The following SART3 variants were observed in gnomAD, a reference collection of about 807,000 sequenced individuals.
SART3 encodes the protein spliceosome associated factor 3, U4/U6 recycling protein.
A neutral mutation model predicts 122.3 loss-of-function variants in SART3; 44 were observed. The observed-to-expected ratio is 0.36, with a 90% CI of 0.28 to 0.46. The LOEUF is 0.46. Among genes scored for constraint, SART3 ranks in the 20% least tolerant of loss-of-function variants. The probability of loss-of-function intolerance (pLI) is 1.00; values close to 1 mark genes in which losing one functional copy is unlikely to be tolerated. For synonymous variants in SART3, 442 were observed against 454.0 expected, an observed-to-expected ratio of 0.97 and a Z score of 0.34; for missense variants, 1,101 against 1,229.0, an observed-to-expected ratio of 0.90 and a Z score of 1.56.
At position 108,524,489 on chromosome 12, in the gene SART3, CT is replaced by C; in HGVS notation, c.2540del (p.Glu847GlyfsTer12). 6.2e-7 allele frequency: 1 copy of C among 1,614,204 alleles called. No homozygotes were observed. The highest frequency in any genetic ancestry group is 8.5e-7 in the Non-Finnish European group (1 of 1,180,032). On this transcript the variant is annotated frameshift_variant, in exon 18 of 19. Coordinates refer to ENST00000546815, the MANE Select transcript of SART3 (RefSeq NM_014706.4). LOFTEE classifies it high-confidence loss of function. Reference protein sequence around the residue: ...AGKPKGLAYVEYENESQASQA... With the variant: ...AGKPKGLAYVXYENESQASQA... Reference sequence around the variant, plus strand: ...GCGACGCCTGGGATTCATTTTCATACTCCACGTAGGCCAGGCCCTGGAAGAG... The same window carrying C: ...GCGACGCCTGGGATTCATTTTCATACCCACGTAGGCCAGGCCCTGGAAGAG...
chr12:108,547,379 T>C (rs1191226910), intron 3 of SART3, among the ~76,000 whole-genome samples: 3 of 152,164 alleles, frequency 2.0e-5, no homozygotes, highest in Admixed American at 6.5e-5. Context: ...TAAAATGTCT[T>C]TTTTTTCCCA....
At chr12:108,546,435 G>A (rs532054340) in intron 3 of SART3, among the ~76,000 whole-genome samples, 13 of 152,126 alleles carry the variant, frequency 8.5e-5, no homozygotes, top group African/African-American at 1.7e-4. Flanking sequence ...TCCTGAACTC[G>A]TGATATACCT....
At chr12:108,530,692 TAAA>T (rs888014416) in intron 14 of SART3, among the ~76,000 whole-genome samples, 1 of 151,800 alleles carries the variant, frequency 6.6e-6, no homozygotes, top group Non-Finnish European at 1.5e-5. Flanking sequence ...CCATCTCTAC[TAAA>T]AAAATACAAA....
At chr12:108,535,561 AC>A in intron 11 of SART3, 93 bp from the exon 12 acceptor site, 1 of 1,007,260 alleles carries the variant, frequency 9.9e-7, no homozygotes, top group Non-Finnish European at 1.6e-6. Context: ...CATAAAAAGC[AC>A]CCCACAACTA....
At chr12:108,531,182 A>T (rs770598654) in intron 14 of SART3, 22 bp downstream of exon 14, 87 of 1,610,256 alleles carry the variant, frequency 5.4e-5, no homozygotes, top group Non-Finnish European at 7.2e-5. Context: ...GAGGTGCCAA[A>T]GACTTCAAAC....
At chr12:108,541,960 G>C (rs1004399527) in intron 6 of SART3, among the ~76,000 whole-genome samples, 3 of 150,116 alleles carry the variant, frequency 2.0e-5, no homozygotes, top group African/African-American at 7.4e-5. Context: ...TTCGCCTCTG[G>C]AGAAGCTGGG....
At chr12:108,526,606 G>A in intron 15 of SART3, 53 bp from the exon 16 acceptor site, 1 of 1,586,394 alleles carries the variant, frequency 6.3e-7, no homozygotes, top group Non-Finnish European at 8.6e-7. Flanking sequence ...TTCTCTTCAG[G>A]GAGCTTGAAC....
rs992354752 is a variant in SART3, at chr12:108,523,350, C to T, written c.*107G>A. Reference sequence around the variant, plus strand: ...AAAGCCGAGGAGCCATCTGTGGTTGCGAGCACGCAGCACACCAGGCCTGTC... The same window carrying T: ...AAAGCCGAGGAGCCATCTGTGGTTGTGAGCACGCAGCACACCAGGCCTGTC... On this transcript the variant is annotated 3_prime_UTR_variant, in exon 19 of 19. Transcript: ENST00000546815. 4.2e-6 allele frequency: 5 copies of T among 1,200,256 alleles called. No individual in the cohort carries two copies. Among genetic ancestry groups the T allele is most frequent in the Non-Finnish European group, 5.0e-6 (4 of 806,382 alleles). The allele number at this position is 1,200,256 out of a possible 1,614,324, so 74.4% of individuals were successfully genotyped here.
At position 108,523,574 on chromosome 12, in the gene SART3, A is replaced by G; in HGVS notation, c.2775T>C (p.Ala925=). The G allele has an allele frequency of 6.2e-7, 1 of 1,614,156 alleles. No homozygotes were observed. Among genetic ancestry groups the G allele is most frequent in the Non-Finnish European group, 8.5e-7 (1 of 1,180,012 alleles). ...GGCCGTTCTCAGCCTGAGGAGCTGC[A>G]GCACTTGGGCGCTGCAGGGCACGAG... The part of the protein sequence containing the change: ...LLPRALQRPS[A]AAPQAENGPA... The change falls in exon 19 of 19, where the codon GCT becomes GCC. Residue 925 remains alanine, a synonymous_variant. Coordinates refer to ENST00000546815, the MANE Select transcript of SART3 (RefSeq NM_014706.4).
At chr12:108,559,048 A>AAAG (rs1489343588) in intron 1 of SART3, among the ~76,000 whole-genome samples, 1 of 150,310 alleles carries the variant, frequency 6.7e-6, no homozygotes, top group Non-Finnish European at 1.5e-5. Flanking sequence ...AGAAAAAAAA[A>AAAG]AAAAAAAAAA....
At chr12:108,558,861 A>G (rs193254145) in intron 1 of SART3, among the ~76,000 whole-genome samples, 3 of 151,958 alleles carry the variant, frequency 2.0e-5, no homozygotes, top group South Asian at 4.1e-4. Flanking sequence ...GTGAAACCCC[A>G]TCTCTACTAA....
chr12:108,555,431 G>A (rs1163990037), intron 1 of SART3, among the ~76,000 whole-genome samples: 6 of 152,292 alleles, frequency 3.9e-5, no homozygotes, highest in South Asian at 2.1e-4. Context: ...GTGGGAGGCC[G>A]AGGCAGGCAG....
Position 108,536,744 on chromosome 12 carries a change from G to A in SART3, c.1351C>T (p.Arg451Cys), listed in dbSNP as rs199758514. Residue 451 changes from arginine (R) to cysteine (C), a missense_variant, in exon 10 of 19, where the codon CGT (arginine) becomes TGT (cysteine). This residue lies in a region of SART3 where 885 missense variants were observed against 1,080.1 expected (regional missense o/e 0.82). Transcript: ENST00000546815. ...ELEELRAAFT[R>C]ALEYLKQEVE... The stretch of plus-strand genomic sequence containing the variant: ...TCCTGCTTCAGATACTCCAAGGCAC[G>A]AGTAAAGGCGGCCCTCAACTCCTCC... 1.1e-4 allele frequency: 179 copies of A among 1,613,886 alleles called. No individual in the cohort carries two copies. The highest frequency in any genetic ancestry group is 6.6e-4 in the Middle Eastern group (4 of 6,054).
chr12:108,551,669 T>C (rs1017544263), intron 1 of SART3, among the ~76,000 whole-genome samples: 1 of 152,182 alleles, frequency 6.6e-6, no homozygotes, highest in Non-Finnish European at 1.5e-5. Flanking sequence ...TTTTCTCAAG[T>C]ACTTACGGAA....
intron 17 of SART3, among the ~76,000 whole-genome samples, chr12:108,525,056 A>G (rs1262250787): frequency 6.6e-6 from 1 of 152,222 alleles, no homozygotes; most frequent in Admixed American, 6.5e-5. Context: ...ACAGGAGAAG[A>G]GGCACTGCAA....
At chr12:108,544,694 T>C (rs1873322599) in intron 4 of SART3, 3 of 674,064 alleles carry the variant, frequency 4.5e-6, no homozygotes, top group East Asian at 2.7e-5. Flanking sequence ...GAGTCCTGAG[T>C]AGCTAGGACC....
chr12:108,526,428 G>A lies in SART3; in HGVS notation c.2041C>T (p.Gln681Ter). ...TTCAGGGAGGCTGCCTTCTCCTTCT[G>A]CTTCGAAGGGGGCTCCACATCTACG... ...AAVDVEPPSK[Q>*]KEKAASLKRD... The change falls in exon 16 of 19, where the codon CAG (glutamine) becomes TAG (stop). Residue 681 changes from glutamine to a stop codon, truncating the protein, a stop_gained. Transcript: ENST00000546815. LOFTEE classifies it high-confidence loss of function. 1.2e-6 allele frequency: 2 copies of A among 1,614,152 alleles called. No individual in the cohort carries two copies. The highest frequency in any genetic ancestry group is 1.7e-6 in the Non-Finnish European group (2 of 1,180,042).
At chr12:108,544,390 A>G in intron 5 of SART3, 37 bp downstream of exon 5, 1 of 1,573,354 alleles carries the variant, frequency 6.4e-7, no homozygotes, top group Non-Finnish European at 8.8e-7. Flanking sequence ...TTTAAAAACC[A>G]TAGAGGGCTG....
rs1555204171 is a variant in SART3, at chr12:108,526,353, C to T, written c.2116G>A (p.Val706Ile). Residue 706 changes from valine (V) to isoleucine (I), a missense_variant, in exon 16 of 19, where the codon GTC (valine) becomes ATC (isoleucine). Transcript: ENST00000546815. ...CTGTAGGGCAGGTTGCTGACAAAGACGGTGATGCTGTCCTTGCTGCTGTCG... is the reference window on the plus strand; with the variant it reads ...CTGTAGGGCAGGTTGCTGACAAAGATGGTGATGCTGTCCTTGCTGCTGTCG... ...LHDSSKDSIT[V>I]FVSNLPYSMQ... The T allele has an allele frequency of 6.2e-6, 10 of 1,613,888 alleles. No homozygotes were observed. Among genetic ancestry groups the T allele is most frequent in the South Asian group, 1.1e-5 (1 of 91,090 alleles).
Sources: allele counts gnomAD v4.1 joint callset (sites outside exome capture counted in the v4.1 genomes callset), GRCh38; gene constraint gnomAD v4.1.1; regional missense constraint gnomAD v4.1.1; transcripts MANE v1.5; gene names NCBI Gene and HGNC (gene_info 2026-07-23, HGNC 2026-07-21).